The following KIRREL3 variants were observed in gnomAD, a reference collection of about 807,000 sequenced individuals.
KIRREL3 encodes the protein kin of IRRE-like protein 3.
KIRREL3 carries 36 observed loss-of-function variants against 89.7 expected under a neutral mutation model. That is an observed-to-expected ratio of 0.40 (90% CI 0.31 to 0.53). The LOEUF (loss-of-function observed/expected upper bound fraction) is 0.53, where lower values mean the gene tolerates loss of function less well. KIRREL3 is among the 20% of genes least tolerant of loss of function. The pLI is 0.49. For missense variants in KIRREL3, 864 were observed against 1,056.6 expected (o/e 0.82, Z 2.53); for synonymous variants, 445 against 441.4 (o/e 1.01, Z -0.10).
At chr11:126,972,311 T>C (rs1351839338) in intron 1 of KIRREL3, among the ~76,000 whole-genome samples, 1 of 152,130 alleles carries the variant, frequency 6.6e-6, no homozygotes, top group East Asian at 1.9e-4. Flanking sequence ...GCTTCCTAGA[T>C]TGGGGGTAAA....
At chr11:126,878,363 T>C (rs1229396269) in intron 1 of KIRREL3, among the ~76,000 whole-genome samples, 5 of 152,148 alleles carry the variant, frequency 3.3e-5, no homozygotes, top group African/African-American at 9.7e-5. Context: ...TATATACTGT[T>C]GCATTTCTAA....
At chr11:126,721,826 A>T (rs1025086629) in intron 1 of KIRREL3, among the ~76,000 whole-genome samples, 1 of 152,200 alleles carries the variant, frequency 6.6e-6, no homozygotes, top group Non-Finnish European at 1.5e-5. Context: ...ACCTGTGAAG[A>T]GCCATCTGGG....
At chr11:126,450,318 CGTGTGCAT>C (rs1955992492) in intron 7 of KIRREL3, among the ~76,000 whole-genome samples, 1 of 129,380 alleles carries the variant, frequency 7.7e-6, no homozygotes, top group African/African-American at 3.0e-5. Context: ...CCCATGTGCA[CGTGTGCAT>C]GTGTGAGCGT....
rs1457318596 is a variant in KIRREL3, at chr11:126,486,902, G to T, written c.434-13436C>A. The stretch of plus-strand genomic sequence containing the variant: ...GCAGGGACTTGGAGTGTCCCCGCTG[G>T]TCCCATAAATAGAAGCAGAACTGAT... On this transcript the variant is annotated intron_variant, in intron 4 of 16. Transcript: ENST00000525144. The surrounding 1 kb of genome is among the most constrained non-coding windows in gnomAD (Gnocchi z 6.2). 6.6e-6 allele frequency among the ~76,000 whole-genome samples: 1 copy of T among 152,104 alleles called. No homozygotes were observed. The highest frequency in any genetic ancestry group is 1.5e-5 in the Non-Finnish European group (1 of 68,026).
Position 126,876,301 on chromosome 11 carries a change from A to T in KIRREL3, c.55+124154T>A, listed in dbSNP as rs1458733535. 6.6e-6 allele frequency among the ~76,000 whole-genome samples: 1 copy of T among 152,216 alleles called. No individual in the cohort carries two copies. The highest frequency in any genetic ancestry group is 1.5e-5 in the Non-Finnish European group (1 of 68,040). On this transcript the variant is annotated intron_variant, in intron 1 of 16. Coordinates refer to ENST00000525144, the MANE Select transcript of KIRREL3 (RefSeq NM_032531.4). This position sits in a 1 kb window ranked among gnomAD's most constrained non-coding sequence, Gnocchi z 4.1. ...AGATCTGCTGGAGGCAACGATCTCT[A>T]GACTCAGTTTCTCAGCCTGAAGGCA... is the stretch of plus-strand genomic sequence containing the variant.
chr11:126,440,905 AG>A (rs1818777337), intron 10 of KIRREL3: 1 of 323,176 alleles, frequency 3.1e-6, no homozygotes, highest in African/African-American at 2.2e-5. Flanking sequence ...AGCTTTAGGG[AG>A]GAGGTGGTAA....
intron 1 of KIRREL3, among the ~76,000 whole-genome samples, chr11:126,841,814 C>T (rs111981093): frequency 2.6e-4 from 40 of 152,264 alleles, no homozygotes; most frequent in African/African-American, 7.7e-4. Flanking sequence ...CAACAGGCCC[C>T]GAAGGTCTTA....
chr11:126,831,507 C>T (rs757469707), intron 1 of KIRREL3, among the ~76,000 whole-genome samples: 1 of 151,462 alleles, frequency 6.6e-6, no homozygotes, highest in Non-Finnish European at 1.5e-5. Context: ...TAAACCTTGC[C>T]CTGACTGAAA....
At chr11:126,483,218 C>A (rs2134314244) in intron 4 of KIRREL3, among the ~76,000 whole-genome samples, 1 of 152,316 alleles carries the variant, frequency 6.6e-6, no homozygotes, top group South Asian at 2.1e-4. Context: ...TGAGGTCATA[C>A]CCCCTTTTTT....
chr11:126,685,074 G>A lies in KIRREL3; in HGVS notation c.56-122162C>T, dbSNP rs1946617622. 6.6e-6 allele frequency among the ~76,000 whole-genome samples: 1 copy of A among 152,176 alleles called. No homozygotes were observed. The highest frequency in any genetic ancestry group is 2.1e-4 in the South Asian group (1 of 4,822). ...AGATGCTGGAGTGGAAAGGCAGGTT[G>A]GAGGAAATACAAAGATGAAGGACAT... On this transcript the variant is annotated intron_variant, in intron 1 of 16. Transcript: ENST00000525144. This position sits in a 1 kb window ranked among gnomAD's most constrained non-coding sequence, Gnocchi z 5.5.
intron 1 of KIRREL3, among the ~76,000 whole-genome samples, chr11:126,824,291 A>C (rs992764180): frequency 2.0e-5 from 3 of 152,200 alleles, no homozygotes; most frequent in African/African-American, 7.2e-5. Context: ...TCAGCCTTGA[A>C]TCCTATTCAG....
intron 1 of KIRREL3, among the ~76,000 whole-genome samples, chr11:126,613,374 T>C (rs954623656): frequency 6.6e-6 from 1 of 152,196 alleles, no homozygotes; most frequent in African/African-American, 2.4e-5. Context: ...AGATGGATAA[T>C]TTGGCTAATG....
At position 126,606,578 on chromosome 11, in the gene KIRREL3, G is replaced by C. The variant is rs1455968441; in HGVS notation, c.56-43666C>G. 6.6e-6 allele frequency among the ~76,000 whole-genome samples: 1 copy of C among 152,124 alleles called. No individual in the cohort carries two copies. The highest frequency in any genetic ancestry group is 2.4e-5 in the African/African-American group (1 of 41,424). On this transcript the variant is annotated intron_variant, in intron 1 of 16. Transcript: ENST00000525144. The surrounding 1 kb of genome is among the most constrained non-coding windows in gnomAD (Gnocchi z 4.6). Reference sequence around the variant, plus strand: ...AGGGTGGTCTCCAGACCACATCCCAGATGACCTTACACACCCCAGGGGTTG... The same window carrying C: ...AGGGTGGTCTCCAGACCACATCCCACATGACCTTACACACCCCAGGGGTTG...
intron 5 of KIRREL3, among the ~76,000 whole-genome samples, chr11:126,466,194 G>A (rs931373409): frequency 4.6e-5 from 7 of 152,228 alleles, no homozygotes; most frequent in Non-Finnish European, 8.8e-5. Context: ...GGGTCCAGGC[G>A]TGTGCTTTTC....
At chr11:126,425,364 T>C (rs1954899870) in intron 16 of KIRREL3, among the ~76,000 whole-genome samples, 1 of 152,162 alleles carries the variant, frequency 6.6e-6, no homozygotes, top group Non-Finnish European at 1.5e-5. Context: ...TTTTAATTGT[T>C]TTTATCCAGA....
At position 126,523,531 on chromosome 11, in the gene KIRREL3, C is replaced by A. The variant is rs1169766615; in HGVS notation, c.284-2067G>T. ...AATAAAATGGCCCTGTCCTCCCCAG[C>A]TGTGCAGGCCTGGCCAGAAAAGCTC... is the stretch of plus-strand genomic sequence containing the variant. On this transcript the variant is annotated intron_variant, in intron 3 of 16. Coordinates refer to ENST00000525144, the MANE Select transcript of KIRREL3 (RefSeq NM_032531.4). This position sits in a 1 kb window ranked among gnomAD's most constrained non-coding sequence, Gnocchi z 4.9. Among the ~76,000 whole-genome samples the A allele has an allele frequency of 3.9e-5, 6 of 152,170 alleles. No homozygotes were observed. Among genetic ancestry groups the A allele is most frequent in the Non-Finnish European group, 7.4e-5 (5 of 68,024 alleles).
chr11:126,745,954 G>T (rs1366356902), intron 1 of KIRREL3, among the ~76,000 whole-genome samples: 1 of 152,184 alleles, frequency 6.6e-6, no homozygotes, highest in Non-Finnish European at 1.5e-5. Context: ...AGCCTGCTTG[G>T]CCTCTGTAAC....
In KIRREL3 at chr11:126,795,209, A is replaced by AGAAT. The variant is rs1179606237; in HGVS notation, c.55+205242_55+205245dup. ...CAAGCCCATAGAGTGTACAGCATAC[A>AGAAT]GAATGAACTCTAATGTAAACTAGGG... On this transcript the variant is annotated intron_variant, in intron 1 of 16. Coordinates refer to ENST00000525144, the MANE Select transcript of KIRREL3 (RefSeq NM_032531.4). This position sits in a 1 kb window ranked among gnomAD's most constrained non-coding sequence, Gnocchi z 4.1. Among the ~76,000 whole-genome samples the AGAAT allele has an allele frequency of 4.6e-5, 7 of 152,222 alleles. No homozygotes were observed. Among genetic ancestry groups the AGAAT allele is most frequent in the Non-Finnish European group, 7.3e-5 (5 of 68,046 alleles).
intron 1 of KIRREL3, among the ~76,000 whole-genome samples, chr11:126,925,273 C>A (rs924606031): frequency 1.3e-5 from 2 of 152,186 alleles, no homozygotes; most frequent in African/African-American, 2.4e-5. Flanking sequence ...ATGCATGTGT[C>A]CTGACAGGAT....
Sources: gnomAD v4.1 joint callset for allele counts (sites outside exome capture counted in the v4.1 genomes callset) on GRCh38, gnomAD v4.1.1 for gene constraint, Gnocchi (gnomAD v3.1) non-coding constraint, MANE v1.5 for transcripts, NCBI Gene and HGNC (gene_info 2026-07-23, HGNC 2026-07-21) for gene names.